Variants in CTSS observed in about 807,000 individuals in gnomAD.
CTSS encodes the protein cathepsin S.
A neutral mutation model predicts 39.9 loss-of-function variants in CTSS; 15 were observed. The observed-to-expected ratio is 0.38, with a 90% CI of 0.25 to 0.58. The LOEUF (loss-of-function observed/expected upper bound fraction) is 0.58. CTSS is among the 20% of genes least tolerant of loss of function. CTSS has a pLI of 0.70. For missense variants in CTSS, 250 were observed against 398.2 expected (o/e 0.63, Z 3.17); for synonymous variants, 126 against 138.2 (o/e 0.91, Z 0.62).
chr1:150,764,830 C>A, intron 1 of CTSS, 66 bp from the exon 2 acceptor site: 2 of 1,568,302 alleles, frequency 1.3e-6, no homozygotes, highest in South Asian at 1.1e-5. Context: ...CACATGTTTT[C>A]ATAAGAGAAA....
At chr1:150,740,176 A>G (rs1023851006) in intron 7 of CTSS, among the ~76,000 whole-genome samples, 1 of 152,232 alleles carries the variant, frequency 6.6e-6, no homozygotes, top group Admixed American at 6.5e-5. Flanking sequence ...ATTTTAGTGA[A>G]TGGGGCATGG....
At chr1:150,748,135 C>G (rs1652928991) in intron 6 of CTSS, 1 of 262,794 alleles carries the variant, frequency 3.8e-6, no homozygotes, top group African/African-American at 2.3e-5. Flanking sequence ...ACTAAAAATA[C>G]AAAAATTAGC....
Position 150,747,458 on chromosome 1 carries a change from G to T in CTSS, c.896+319C>A, listed in dbSNP as rs183987851. Among the ~76,000 whole-genome samples the T allele has an allele frequency of 5.3e-5, 8 of 152,226 alleles. No homozygotes were observed. The East Asian group carries it at 1.5e-3, about 29-fold the overall frequency. ...GAAAAAATAAAATAAGAAGAGGAAT[G>T]GGCAGATGATAGAGCCCTGGGGAAA... On this transcript the variant is annotated intron_variant, in intron 7 of 7. Transcript: ENST00000368985.
At position 150,755,696 on chromosome 1, in the gene CTSS, C is replaced by T. The variant is rs376753785; in HGVS notation, c.250-546G>A. On this transcript the variant is annotated intron_variant, in intron 3 of 7. Transcript: ENST00000368985. The stretch of plus-strand genomic sequence containing the variant: ...CGGAGGTTGCAGTGAGCTGAGATCG[C>T]GCCAGTGCACTCCAGCCTGGGCGAC... Among the ~76,000 whole-genome samples, 6 of 151,732 alleles carry T rather than the reference C, an allele frequency of 4.0e-5. No homozygotes were observed. In the East Asian group the frequency reaches 7.8e-4, roughly 20 times the overall value.
At chr1:150,734,188 C>T (rs587772460) in intron 7 of CTSS, among the ~76,000 whole-genome samples, 10 of 151,960 alleles carry the variant, frequency 6.6e-5, no homozygotes, top group Non-Finnish European at 8.8e-5. Context: ...GCCACCACGA[C>T]GGCTAATTTT....
At position 150,755,007 on chromosome 1, in the gene CTSS, T is replaced by C. The variant is rs1312228217; in HGVS notation, c.393A>G (p.Lys131=). Residue 131 remains lysine (K), a synonymous_variant, in exon 4 of 8, where the codon AAA becomes AAG. Transcript: ENST00000368985. ...WREKGCVTEV[K]YQGSCGACWA... is the part of the protein sequence containing the mutation. Reference sequence around the variant, plus strand: ...TTGGGATGGTAATACTCACTTGATATTTCACTTCAGTAACACACCCTTTCT... The same window carrying C: ...TTGGGATGGTAATACTCACTTGATACTTCACTTCAGTAACACACCCTTTCT... 1 of 1,613,758 alleles carries C rather than the reference T, an allele frequency of 6.2e-7. No homozygotes were observed. Among genetic ancestry groups the C allele is most frequent in the Non-Finnish European group, 8.5e-7 (1 of 1,179,712 alleles).
At chr1:150,745,014 G>T (rs1000895247) in intron 7 of CTSS, among the ~76,000 whole-genome samples, 1 of 151,798 alleles carries the variant, frequency 6.6e-6, no homozygotes, top group Non-Finnish European at 1.5e-5. Flanking sequence ...GCTATCACTG[G>T]TCTACACCCA....
chr1:150,761,947 C>A (rs1444404544), intron 2 of CTSS, among the ~76,000 whole-genome samples: 1 of 152,136 alleles, frequency 6.6e-6, no homozygotes, highest in Non-Finnish European at 1.5e-5. Flanking sequence ...TGCGGAACTA[C>A]AAAAGTCCTT....
chr1:150,746,686 A>C (rs1215118590), intron 7 of CTSS, among the ~76,000 whole-genome samples: 1 of 152,296 alleles, frequency 6.6e-6, no homozygotes, highest in East Asian at 1.9e-4. Context: ...ACCAAAAGAG[A>C]AGACAGGATG....
chr1:150,765,267 T>G (rs587744468), intron 1 of CTSS, among the ~76,000 whole-genome samples: 1 of 149,990 alleles, frequency 6.7e-6, no homozygotes, highest in African/African-American at 2.5e-5. Flanking sequence ...CATCTTTAGG[T>G]AGGTAATTTT....
chr1:150,749,957 CCTTT>C (rs758442108), intron 6 of CTSS, 45 bp downstream of exon 6: 15 of 1,492,508 alleles, frequency 1.0e-5, no homozygotes, highest in Admixed American at 7.6e-5. Flanking sequence ...CAGCCAATAT[CCTTT>C]CTTTCTTTCT....
intron 7 of CTSS, among the ~76,000 whole-genome samples, chr1:150,735,512 A>G (rs1652616921): frequency 6.6e-6 from 1 of 152,046 alleles, no homozygotes; most frequent in Non-Finnish European, 1.5e-5. Flanking sequence ...GAAATTGTCA[A>G]TGGCTCTCCA....
intron 7 of CTSS, among the ~76,000 whole-genome samples, chr1:150,739,539 C>G (rs1652702293): frequency 6.6e-6 from 1 of 152,032 alleles, no homozygotes. Flanking sequence ...GCTAAAAATA[C>G]AGAAATTACC....
At chr1:150,741,279 T>A (rs930014127) in intron 7 of CTSS, among the ~76,000 whole-genome samples, 8 of 152,194 alleles carry the variant, frequency 5.3e-5, no homozygotes, top group Admixed American at 6.5e-5. Flanking sequence ...GTTATAAGCA[T>A]GAGCTTACCA....
At chr1:150,759,353 T>C (rs1459452376) in intron 2 of CTSS, among the ~76,000 whole-genome samples, 11 of 152,140 alleles carry the variant, frequency 7.2e-5, no homozygotes, top group Admixed American at 7.2e-4. Context: ...AATTCTCTTC[T>C]TCAGAAACTC....
At position 150,747,863 on chromosome 1, in the gene CTSS, T is replaced by C; in HGVS notation, c.810A>G (p.Pro270=). 6.2e-7 allele frequency: 1 copy of C among 1,612,736 alleles called. No individual in the cohort carries two copies. The highest frequency in any genetic ancestry group is 8.5e-7 in the Non-Finnish European group (1 of 1,178,886). The change falls in exon 7 of 8, where the codon CCA becomes CCG. Residue 270 remains proline (P), a synonymous_variant. Coordinates refer to ENST00000368985, the MANE Select transcript of CTSS (RefSeq NM_004079.5). ...FLYRSGVYYE[P]SCTQNVNHGV... ...CATGATTCACATTCTGAGTACAGGA[T>C]GGTTCATAGTAGACACCTGAGAATC...
At chr1:150,746,253 G>A (rs967450201) in intron 7 of CTSS, among the ~76,000 whole-genome samples, 2 of 152,226 alleles carry the variant, frequency 1.3e-5, no homozygotes, top group Non-Finnish European at 2.9e-5. Flanking sequence ...TGCTCAGTTC[G>A]TGGCACTTTG....
At chr1:150,760,796 T>C (rs1311887500) in intron 2 of CTSS, among the ~76,000 whole-genome samples, 1 of 150,858 alleles carries the variant, frequency 6.6e-6, no homozygotes, top group Non-Finnish European at 1.5e-5. Context: ...GGCAAGAGAA[T>C]CACTTGAGCT....
intron 6 of CTSS, chr1:150,748,288 T>TA (rs75569024): frequency 0.011 from 1,496 of 133,042 alleles, 9 homozygotes; most frequent in Admixed American, 0.014. Flanking sequence ...GACTCCATCT[T>TA]AAAAAAAAAA....
Sources: gnomAD v4.1 joint callset for allele counts (sites outside exome capture counted in the v4.1 genomes callset) on GRCh38, gnomAD v4.1.1 for gene constraint, MANE v1.5 for transcripts, NCBI Gene and HGNC (gene_info 2026-07-23, HGNC 2026-07-21) for gene names.